RECQL5: variants seen among roughly 807,000 people sequenced by gnomAD.
RECQL5 encodes the protein RecQ like helicase 5, also known as ATP-dependent DNA helicase Q5.
RECQL5 carries 88 observed loss-of-function variants against 103.4 expected under a neutral mutation model. The observed-to-expected ratio is 0.85, with a 90% CI of 0.72 to 1.02. RECQL5 has a LOEUF of 1.02. RECQL5 is among the 50% of genes least tolerant of loss of function. The probability of loss-of-function intolerance (pLI) is 0.00; values close to 1 mark genes in which losing one functional copy is unlikely to be tolerated. For synonymous variants in RECQL5, 552 were observed against 507.9 expected, an observed-to-expected ratio of 1.09 and a Z score of -1.17; for missense variants, 1,232 against 1,284.3, an observed-to-expected ratio of 0.96 and a Z score of 0.62.
chr17:75,634,125 C>A, intron 8 of RECQL5: 17 of 985,496 alleles, frequency 1.7e-5, no homozygotes, highest in Non-Finnish European at 2.0e-5. Context: ...GCGGCGCCCA[C>A]GAAGGAAGTA....
At chr17:75,665,211 G>T in intron 2 of RECQL5, 39 bp from the exon 3 acceptor site, 1 of 1,571,098 alleles carries the variant, frequency 6.4e-7, no homozygotes. Flanking sequence ...AGTGCTTCCT[G>T]CCTTTTCATT....
intron 7 of RECQL5, among the ~76,000 whole-genome samples, chr17:75,651,792 A>C (rs1487970392): frequency 1.3e-5 from 2 of 152,224 alleles, no homozygotes; most frequent in African/African-American, 4.8e-5. Context: ...ACTGGCATTT[A>C]GGAAGCGCTA....
chr17:75,628,708 C>G lies in RECQL5; in HGVS notation c.2544G>C (p.Lys848Asn). The G allele has an allele frequency of 6.3e-7, 1 of 1,591,526 alleles. No individual in the cohort carries two copies. The highest frequency in any genetic ancestry group is 8.5e-7 in the Non-Finnish European group (1 of 1,174,550). ...GTPEVQPTPAKDTWKGKRPRS... is the reference protein window; with the variant it reads ...GTPEVQPTPANDTWKGKRPRS... ...GAGGCCGCTTGCCCTTCCATGTGTC[C>G]TTTGCAGGGGTGGGCTGGACTTCAG... is the stretch of plus-strand genomic sequence containing the variant. Residue 848 changes from lysine to asparagine, a missense_variant, in exon 17 of 20, where the codon AAG becomes AAC. By Grantham distance (94) the Lys-to-Asn change is moderately conservative (BLOSUM62 0). Coordinates refer to ENST00000317905, the MANE Select transcript of RECQL5 (RefSeq NM_004259.7).
intron 8 of RECQL5, among the ~76,000 whole-genome samples, chr17:75,634,978 T>C (rs1599000136): frequency 1.3e-5 from 2 of 152,134 alleles, no homozygotes; most frequent in Non-Finnish European, 2.9e-5. Context: ...TTTGGTTCTT[T>C]GGGGAACACT....
chr17:75,653,534 G>A (rs1485669591), intron 7 of RECQL5, among the ~76,000 whole-genome samples: 1 of 152,122 alleles, frequency 6.6e-6, no homozygotes, highest in Non-Finnish European at 1.5e-5. Flanking sequence ...ATTCATCAGC[G>A]GCCTTTTTTG....
chr17:75,630,644 G>A lies in RECQL5; in HGVS notation c.1693C>T (p.Arg565Cys). ...RLLEEALSSN[R>C]QSTRTADEAD... ...TCATCAGCGGTACGTGTTGACTGGC[G>A]GTTGCTGCTCAGCGCCTCCTCCAGA... The change falls in exon 13 of 20, where the codon CGC becomes TGC. Residue 565 changes from arginine (R) to cysteine (C), a missense_variant. By Grantham distance (180) the Arg-to-Cys change is radical (BLOSUM62 -3). Transcript: ENST00000317905. 6 of 1,613,540 alleles carry A rather than the reference G, an allele frequency of 3.7e-6. No homozygotes were observed. Among genetic ancestry groups the A allele is most frequent in the South Asian group, 1.1e-5 (1 of 91,082 alleles).
chr17:75,657,141 G>A (rs1486414184), intron 7 of RECQL5, among the ~76,000 whole-genome samples: 2 of 152,172 alleles, frequency 1.3e-5, no homozygotes, highest in African/African-American at 2.4e-5. Flanking sequence ...GCCTAAGGTG[G>A]GAGGCTCACT....
intron 8 of RECQL5, among the ~76,000 whole-genome samples, chr17:75,632,189 CA>C (rs1349063722): frequency 6.6e-6 from 1 of 152,240 alleles, no homozygotes; most frequent in Non-Finnish European, 1.5e-5. Flanking sequence ...ACGATTCTAA[CA>C]CTGTATTTCT....
chr17:75,662,515 G>C lies in RECQL5; in HGVS notation c.735C>G (p.Phe245Leu), dbSNP rs2059713070. ...ISDPYGNLKD[F>L]CLKALGQEAD... ...CCTCCTGTCCAAGAGCCTTAAGGCA[G>C]AAGTCCTTCAGGTTCCCATAGGGAT... Residue 245 changes from phenylalanine (F) to leucine (L), a missense_variant, in exon 4 of 20, where the codon TTC (phenylalanine) becomes TTG (leucine). Transcript: ENST00000317905. 1 of 1,614,040 alleles carries C rather than the reference G, an allele frequency of 6.2e-7. No individual in the cohort carries two copies. The highest frequency in any genetic ancestry group is 8.5e-7 in the Non-Finnish European group (1 of 1,180,030).
Position 75,630,322 on chromosome 17 carries a change from G to A in RECQL5, c.1719-45C>T, listed in dbSNP as rs756935779. 4.7e-6 allele frequency: 7 copies of A among 1,479,808 alleles called. No homozygotes were observed. The Admixed American group carries it at 1.1e-4, about 23-fold the overall frequency. The allele number at this position is 1,479,808 out of a possible 1,614,324, so 91.7% of individuals were successfully genotyped here. A position where few individuals can be genotyped will look rare whatever the true frequency, so the allele number is the denominator to read the frequency against. ...GGCACAAGGTATCAGGTGGGCCTGGGCTTCTCCCTGCTGAGCTCTTGCGGG... is the reference window on the plus strand; with the variant it reads ...GGCACAAGGTATCAGGTGGGCCTGGACTTCTCCCTGCTGAGCTCTTGCGGG... On this transcript the variant is annotated intron_variant, in intron 13 of 19. Coordinates refer to ENST00000317905, the MANE Select transcript of RECQL5 (RefSeq NM_004259.7).
At chr17:75,647,006 ACT>A (rs2148306242) in intron 8 of RECQL5, among the ~76,000 whole-genome samples, 1 of 152,040 alleles carries the variant, frequency 6.6e-6, no homozygotes, top group Admixed American at 6.6e-5. Flanking sequence ...AAACAGGGAG[ACT>A]CTATCATGAT....
chr17:75,653,252 A>T (rs1349268660), intron 7 of RECQL5, among the ~76,000 whole-genome samples: 1 of 152,232 alleles, frequency 6.6e-6, no homozygotes, highest in East Asian at 1.9e-4. Context: ...AATTCAAAGT[A>T]CAGGCTCACC....
In RECQL5 at chr17:75,627,107, A is replaced by C. The variant is rs1163009924; in HGVS notation, c.*315T>G. 1 of 507,026 alleles carries C rather than the reference A, an allele frequency of 2.0e-6. No individual in the cohort carries two copies. Among genetic ancestry groups the C allele is most frequent in the Non-Finnish European group, 3.8e-6 (1 of 260,908 alleles). The allele number at this position is 507,026 out of a possible 1,614,324, so 31.4% of individuals were successfully genotyped here. A position where few individuals can be genotyped will look rare whatever the true frequency, so the allele number is the denominator to read the frequency against. ...CCTCATCCTGACTTAGAACTCGGGG[A>C]GGGGCCACTCTTCCTTCCCCTTCTT... On this transcript the variant is annotated 3_prime_UTR_variant, in exon 20 of 20. Transcript: ENST00000317905.
rs781348338 is a variant in RECQL5 at position 75,662,991 on chromosome 17, C to G, written c.259G>C (p.Val87Leu). 1.1e-5 allele frequency: 17 copies of G among 1,598,750 alleles called. No homozygotes were observed. In the South Asian group the frequency reaches 1.9e-4, roughly 18 times the overall value. The change falls in exon 4 of 20, where the codon GTG becomes CTG. Residue 87 changes from valine to leucine, a missense_variant. Transcript: ENST00000317905. ...SPLIALIQDQ[V>L]DHLLTLKVRV... Reference sequence around the variant, plus strand: ...ACCTTTAGGGTTAGCAAGTGGTCCACTTGGTCCTAAGAGAAGAGAAAGAGG... The same window carrying G: ...ACCTTTAGGGTTAGCAAGTGGTCCAGTTGGTCCTAAGAGAAGAGAAAGAGG...
chr17:75,641,062 G>T lies in RECQL5; in HGVS notation c.1230-9394C>A, dbSNP rs1402804040. On this transcript the variant is annotated intron_variant, in intron 8 of 19. Transcript: ENST00000317905. ...CACTGACAACTTGAGCCCTACCAAG[G>T]AAACAAGGGCTGGTATAGGTGCAAA... The T allele has an allele frequency of 1.6e-5, 21 of 1,279,398 alleles. No homozygotes were observed. In the East Asian group the frequency reaches 2.3e-4, roughly 14 times the overall value. 79.3% of individuals were successfully genotyped at this position (1,279,398 alleles called of 1,614,324 possible).
At chr17:75,645,700 G>A (rs1001122212) in intron 8 of RECQL5, among the ~76,000 whole-genome samples, 3 of 152,184 alleles carry the variant, frequency 2.0e-5, no homozygotes, top group East Asian at 3.8e-4. Context: ...CAGGTAACCC[G>A]GGTCAGTGAC....
At chr17:75,650,706 C>T (rs2059543971) in intron 8 of RECQL5, 1 of 1,613,626 alleles carries the variant, frequency 6.2e-7, no homozygotes, top group Admixed American at 1.7e-5. Flanking sequence ...TTCCGTGGCC[C>T]CTGCCCCATC....
In RECQL5 at chr17:75,630,611, G is replaced by T; in HGVS notation, c.1718+8C>A. The T allele has an allele frequency of 1.2e-6, 2 of 1,613,386 alleles. No individual in the cohort carries two copies. Among genetic ancestry groups the T allele is most frequent in the Non-Finnish European group, 8.5e-7 (1 of 1,179,622 alleles). Reference sequence around the variant, plus strand: ...AGTGCTCCTCAGCCCAGTGATCGTGGAACTCACTCATCAGCGGTACGTGTT... The same window carrying T: ...AGTGCTCCTCAGCCCAGTGATCGTGTAACTCACTCATCAGCGGTACGTGTT... On this transcript the variant is annotated splice_region_variant and intron_variant, in intron 13 of 19. Transcript: ENST00000317905.
Position 75,665,125 on chromosome 17 carries a change from G to C in RECQL5, c.178C>G (p.Leu60Val). ...AACAGAGCAGGGAGCTGATAGCATA[G>C]GGATTTTCCTGCCCCTGTGGGCATG... ...VCMPTGAGKSLCYQLPALLAK... is the reference protein window; with the variant it reads ...VCMPTGAGKSVCYQLPALLAK... The change falls in exon 3 of 20, where the codon CTA becomes GTA. Residue 60 changes from leucine to valine, a missense_variant. By Grantham distance (32) the Leu-to-Val change is conservative (BLOSUM62 1). Coordinates refer to ENST00000317905, the MANE Select transcript of RECQL5 (RefSeq NM_004259.7). The C allele has an allele frequency of 6.2e-7, 1 of 1,612,306 alleles. No homozygotes were observed. Among genetic ancestry groups the C allele is most frequent in the Non-Finnish European group, 8.5e-7 (1 of 1,179,384 alleles).
Sources: allele counts gnomAD v4.1 joint callset (sites outside exome capture counted in the v4.1 genomes callset), GRCh38; gene constraint gnomAD v4.1.1; transcripts MANE v1.5; gene names NCBI Gene and HGNC (gene_info 2026-07-23, HGNC 2026-07-21).